KCNQ5: variants seen among roughly 807,000 people sequenced by gnomAD.
KCNQ5 encodes potassium voltage-gated channel subfamily KQT member 5.
A neutral mutation model predicts 98.2 loss-of-function variants in KCNQ5; 30 were observed. The observed-to-expected ratio is 0.31, with a 90% confidence interval of 0.23 to 0.41. The LOEUF (loss-of-function observed/expected upper bound fraction) is 0.41, where lower values mean the gene tolerates loss of function less well. Among genes scored for constraint, KCNQ5 ranks in the 10% least tolerant of loss-of-function variants. The probability of loss-of-function intolerance (pLI) is 1.00; values close to 1 mark genes in which losing one functional copy is unlikely to be tolerated. For synonymous variants in KCNQ5, 458 were observed against 449.4 expected, an observed-to-expected ratio of 1.02 and a Z score of -0.24; for missense variants, 835 against 1,182.5, an observed-to-expected ratio of 0.71 and a Z score of 4.31.
At chr6:73,175,746 C>A (rs1356629313) in intron 11 of KCNQ5, among the ~76,000 whole-genome samples, 2 of 152,186 alleles carry the variant, frequency 1.3e-5, no homozygotes, top group African/African-American at 4.8e-5. Context: ...AAAGATGGAT[C>A]CCTGCTTAGA....
intron 3 of KCNQ5, chr6:73,055,182 T>C: frequency 2.2e-6 from 2 of 896,740 alleles, no homozygotes; most frequent in Non-Finnish European, 3.8e-6. Flanking sequence ...TACGACGCCA[T>C]CCTGAGCCCA....
intron 1 of KCNQ5, among the ~76,000 whole-genome samples, chr6:72,657,468 A>AAT (rs1766257334): frequency 6.6e-6 from 1 of 152,150 alleles, no homozygotes; most frequent in African/African-American, 2.4e-5. Context: ...TTTTCAATGA[A>AAT]ATATATTTAA....
chr6:72,935,651 A>G (rs1323634257), intron 1 of KCNQ5, among the ~76,000 whole-genome samples: 2 of 152,110 alleles, frequency 1.3e-5, no homozygotes, highest in Non-Finnish European at 2.9e-5. Flanking sequence ...TGTTATCCCC[A>G]TCCAGCTTAT....
At chr6:72,937,801 A>T (rs1476648545) in intron 1 of KCNQ5, among the ~76,000 whole-genome samples, 1 of 152,242 alleles carries the variant, frequency 6.6e-6, no homozygotes, top group Non-Finnish European at 1.5e-5. Flanking sequence ...AAATCAATAC[A>T]GGGTTAAAGA....
intron 2 of KCNQ5, among the ~76,000 whole-genome samples, chr6:73,011,929 C>G (rs1168948162): frequency 6.6e-6 from 1 of 152,028 alleles, no homozygotes; most frequent in Non-Finnish European, 1.5e-5. Context: ...TACCACCTCA[C>G]ACCCGTTAGG....
chr6:72,999,735 A>G (rs1440819685), intron 1 of KCNQ5, among the ~76,000 whole-genome samples: 1 of 152,238 alleles, frequency 6.6e-6, no homozygotes, highest in Non-Finnish European at 1.5e-5. Context: ...CAAATTTGCA[A>G]TATGGCAATG....
At chr6:72,962,187 A>AT (rs1767390518) in intron 1 of KCNQ5, among the ~76,000 whole-genome samples, 1 of 125,814 alleles carries the variant, frequency 7.9e-6, no homozygotes, top group Non-Finnish European at 1.7e-5. Context: ...CTCTAAATAT[A>AT]TATATATATA....
chr6:72,703,657 G>T (rs1768935446), intron 1 of KCNQ5, among the ~76,000 whole-genome samples: 1 of 152,156 alleles, frequency 6.6e-6, no homozygotes, highest in Admixed American at 6.6e-5. Flanking sequence ...GCAAGTTTAG[G>T]TGGTGTAGAC....
chr6:72,739,522 C>T (rs1477757051), intron 1 of KCNQ5, among the ~76,000 whole-genome samples: 1 of 152,212 alleles, frequency 6.6e-6, no homozygotes, highest in East Asian at 1.9e-4. Context: ...ACTTCCTTTT[C>T]ATTTCATAAC....
At chr6:72,662,700 G>T (rs1935211057) in intron 1 of KCNQ5, among the ~76,000 whole-genome samples, 1 of 151,808 alleles carries the variant, frequency 6.6e-6, no homozygotes, top group South Asian at 2.1e-4. Flanking sequence ...GCCAACTTAA[G>T]AACTAAATCA....
chr6:72,873,705 T>G (rs1038071687), intron 1 of KCNQ5, among the ~76,000 whole-genome samples: 1 of 152,112 alleles, frequency 6.6e-6, no homozygotes, highest in African/African-American at 2.4e-5. Flanking sequence ...TCAATAGGAG[T>G]AGTGTTTTTC....
intron 1 of KCNQ5, among the ~76,000 whole-genome samples, chr6:72,966,511 T>C (rs1562098471): frequency 6.6e-6 from 1 of 151,630 alleles, no homozygotes; most frequent in Non-Finnish European, 1.5e-5. Context: ...GAGGTTGCAG[T>C]GAGGCAAGAT....
intron 1 of KCNQ5, among the ~76,000 whole-genome samples, chr6:72,825,018 A>G (rs1023526534): frequency 1.3e-5 from 2 of 152,106 alleles, no homozygotes; most frequent in Non-Finnish European, 2.9e-5. Context: ...ATTTTGACAC[A>G]TGAAGAAATC....
At chr6:72,636,482 A>T (rs1461737064) in intron 1 of KCNQ5, among the ~76,000 whole-genome samples, 1 of 152,190 alleles carries the variant, frequency 6.6e-6, no homozygotes, top group African/African-American at 2.4e-5. Context: ...GATTCTCATA[A>T]CCTTTTCTAG....
chr6:73,124,081 A>G (rs1287113526), intron 8 of KCNQ5, among the ~76,000 whole-genome samples: 1 of 152,230 alleles, frequency 6.6e-6, no homozygotes, highest in African/African-American at 2.4e-5. Context: ...GATACAATTC[A>G]TTAATGAATC....
At chr6:72,972,589 T>C (rs1049343567) in intron 1 of KCNQ5, among the ~76,000 whole-genome samples, 7 of 151,658 alleles carry the variant, frequency 4.6e-5, no homozygotes, top group East Asian at 3.9e-4. Context: ...TGAGAACATA[T>C]GGTGTTTGGT....
At chr6:72,941,209 C>T (rs1053753693) in intron 1 of KCNQ5, among the ~76,000 whole-genome samples, 8 of 151,934 alleles carry the variant, frequency 5.3e-5, no homozygotes, top group African/African-American at 1.9e-4. Flanking sequence ...TATTTTTTAA[C>T]CTTGCTTCCT....
chr6:72,965,894 T>A (rs1767586450), intron 1 of KCNQ5, among the ~76,000 whole-genome samples: 1 of 152,164 alleles, frequency 6.6e-6, no homozygotes, highest in Non-Finnish European at 1.5e-5. Flanking sequence ...TGTCATGGAT[T>A]TGGACATATG....
chr6:73,103,587 A>G (rs984088655), intron 5 of KCNQ5, among the ~76,000 whole-genome samples: 13 of 152,120 alleles, frequency 8.5e-5, no homozygotes, highest in African/African-American at 2.9e-4. Context: ...ATACATATAT[A>G]ACAAACCTGC....
Sources: allele counts gnomAD v4.1 joint callset (sites outside exome capture counted in the v4.1 genomes callset), GRCh38; gene constraint gnomAD v4.1.1; transcripts MANE v1.5; gene names NCBI Gene and HGNC (gene_info 2026-07-23, HGNC 2026-07-21).